Variants in GRIA4 observed in about 807,000 individuals in gnomAD.
GRIA4 encodes glutamate receptor 4.
GRIA4 carries 34 observed loss-of-function variants against 104.0 expected under a neutral mutation model. The observed-to-expected ratio is 0.33, with a 90% CI of 0.25 to 0.44. The LOEUF (loss-of-function observed/expected upper bound fraction) is 0.44, where lower values mean the gene tolerates loss of function less well. GRIA4 is among the 20% of genes least tolerant of loss of function. The pLI is 1.00. For synonymous variants in GRIA4, 386 were observed against 381.9 expected, an observed-to-expected ratio of 1.01 and a Z score of -0.13; for missense variants, 750 against 1,096.5, an observed-to-expected ratio of 0.68 and a Z score of 4.46.
chr11:105,714,161 G>C (rs1954009052), intron 3 of GRIA4, among the ~76,000 whole-genome samples: 2 of 151,748 alleles, frequency 1.3e-5, no homozygotes, highest in Admixed American at 1.3e-4. Flanking sequence ...TAATGGTTTT[G>C]CTTCTCAAAA....
At chr11:105,905,357 C>T in intron 9 of GRIA4, 56 bp downstream of exon 9, 1 of 960,528 alleles carries the variant, frequency 1.0e-6, no homozygotes, top group Non-Finnish European at 1.7e-6. Flanking sequence ...TTGTATGTAA[C>T]ATTTTAAAGG....
chr11:105,628,202 T>G (rs1565414149), intron 3 of GRIA4, among the ~76,000 whole-genome samples: 1 of 152,182 alleles, frequency 6.6e-6, no homozygotes, highest in Non-Finnish European at 1.5e-5. Flanking sequence ...AAAATAATGA[T>G]TTATGAACTT....
At chr11:105,784,050 C>T (rs976230690) in intron 4 of GRIA4, among the ~76,000 whole-genome samples, 10 of 152,142 alleles carry the variant, frequency 6.6e-5, no homozygotes, top group African/African-American at 2.2e-4. Context: ...ATTGCTGAAT[C>T]TCCTTGTAGC....
intron 4 of GRIA4, among the ~76,000 whole-genome samples, chr11:105,775,908 T>G (rs561999271): frequency 2.6e-5 from 4 of 151,912 alleles, no homozygotes; most frequent in Admixed American, 1.3e-4. Flanking sequence ...AAAACCTACA[T>G]TAAGAACTTC....
intron 3 of GRIA4, among the ~76,000 whole-genome samples, chr11:105,623,507 G>C (rs1236175623): frequency 6.6e-6 from 1 of 151,930 alleles, no homozygotes; most frequent in Non-Finnish European, 1.5e-5. Context: ...TGCATGAACT[G>C]ACTCTTGCCT....
At chr11:105,818,287 C>G (rs1056145197) in intron 4 of GRIA4, among the ~76,000 whole-genome samples, 1 of 152,042 alleles carries the variant, frequency 6.6e-6, no homozygotes, top group Non-Finnish European at 1.5e-5. Context: ...AAATGTCCCA[C>G]AGACTGTTGG....
intron 14 of GRIA4, among the ~76,000 whole-genome samples, chr11:105,945,767 C>T (rs1948291349): frequency 6.6e-6 from 1 of 152,214 alleles, no homozygotes; most frequent in South Asian, 2.1e-4. Flanking sequence ...AATATTAGTA[C>T]TAGTCTTCCA....
In GRIA4 at chr11:105,903,922, C is replaced by G; in HGVS notation, c.994C>G (p.Leu332Val). ...AAGGAGAGGAAATGCTGGGGATTGT[C>G]TGGCAAATCCTGCTGCTCCATGGGG... ...ISRRGNAGDC[L>V]ANPAAPWGQG... Residue 332 changes from leucine to valine, a missense_variant, in exon 8 of 17, where the codon CTG (leucine) becomes GTG (valine). Physicochemically the swap from Leu to Val is conservative, Grantham distance 32. Around this residue, in one of 3 missense-constraint regions of GRIA4, gnomAD observed 410 missense variants for 502.7 expected, o/e 0.82. Coordinates refer to ENST00000282499, the MANE Select transcript of GRIA4 (RefSeq NM_000829.4). 6.2e-7 allele frequency: 1 copy of G among 1,613,520 alleles called. No homozygotes were observed. The highest frequency in any genetic ancestry group is 8.5e-7 in the Non-Finnish European group (1 of 1,179,484).
Position 105,830,856 on chromosome 11 carries a change from T to C in GRIA4, c.488-31168T>C, listed in dbSNP as rs180861484. Among the ~76,000 whole-genome samples the C allele has an allele frequency of 1.6e-3, 240 of 152,134 alleles. 1 individual carries two copies. The highest frequency in any genetic ancestry group is 3.4e-3 in the Middle Eastern group (1 of 294). ...CCTTAACAGGTAGTTTTGCTGAATATTGCAGAGAATTATTTTGAAAACCAT... is the reference window on the plus strand; with the variant it reads ...CCTTAACAGGTAGTTTTGCTGAATACTGCAGAGAATTATTTTGAAAACCAT... On this transcript the variant is annotated intron_variant, in intron 4 of 16. Coordinates refer to ENST00000282499, the MANE Select transcript of GRIA4 (RefSeq NM_000829.4).
chr11:105,887,911 T>C (rs982669871), intron 6 of GRIA4, among the ~76,000 whole-genome samples: 85 of 152,328 alleles, frequency 5.6e-4, no homozygotes, highest in African/African-American at 1.9e-3. Flanking sequence ...ATAAGAATGA[T>C]CTAAACTAAT....
intron 14 of GRIA4, among the ~76,000 whole-genome samples, chr11:105,964,846 G>A (rs187796611): frequency 8.1e-4 from 119 of 147,580 alleles, no homozygotes; most frequent in Admixed American, 2.0e-3. Flanking sequence ...TGCTCTTGTC[G>A]CCCAGGCTGG....
chr11:105,794,453 C>CTG (rs1222922432), intron 4 of GRIA4, among the ~76,000 whole-genome samples: 2 of 40,778 alleles, frequency 4.9e-5, no homozygotes, highest in East Asian at 6.0e-4. Context: ...GTGTGTGTGT[C>CTG]TGTGTGTGTG....
At position 105,715,277 on chromosome 11, in the gene GRIA4, C is replaced by T. The variant is rs137930298; in HGVS notation, c.248-37704C>T. ...CTTGCTGAAGGCACGTTGTTGAGGA[C>T]ATTTTCTATTATATGACTACCTTCC... is the stretch of plus-strand genomic sequence containing the variant. On this transcript the variant is annotated intron_variant, in intron 3 of 16. Transcript: ENST00000282499. 4.6e-5 allele frequency among the ~76,000 whole-genome samples: 7 copies of T among 152,274 alleles called. No individual in the cohort carries two copies. The East Asian group carries it at 1.4e-3, about 29-fold the overall frequency.
rs143467832 is a variant in GRIA4 at position 105,885,844 on chromosome 11, T to G, written c.673-1675T>G. Among the ~76,000 whole-genome samples, 24 of 152,356 alleles carry G rather than the reference T, an allele frequency of 1.6e-4. No homozygotes were observed. The East Asian group carries it at 4.6e-3, about 29-fold the overall frequency. On this transcript the variant is annotated intron_variant, in intron 5 of 16. Coordinates refer to ENST00000282499, the MANE Select transcript of GRIA4 (RefSeq NM_000829.4). ...AGAAGCTGAGAACTTATCATAAAAG[T>G]GGCCTCAGGCCAGTGATACCAATAT...
rs769046503 is a variant in GRIA4, at chr11:105,610,970, G to A, written c.-28G>A. ...GAAGAGTGCGAGAGAAAGAGAGAGA[G>A]CGCGCGCCAGGGAGAGGAGAAAAGA... On this transcript the variant is annotated 5_prime_UTR_variant, in exon 2 of 17. Transcript: ENST00000282499. 5.5e-6 allele frequency: 8 copies of A among 1,453,210 alleles called. No homozygotes were observed. The highest frequency in any genetic ancestry group is 7.7e-6 in the Non-Finnish European group (8 of 1,035,316). The allele number at this position is 1,453,210 out of a possible 1,614,324, so 90.0% of individuals were successfully genotyped here.
intron 3 of GRIA4, among the ~76,000 whole-genome samples, chr11:105,695,506 G>GTGTGTGTGTGTGTC (rs1953245559): frequency 2.1e-5 from 1 of 48,422 alleles, no homozygotes; most frequent in African/African-American, 7.5e-5. Flanking sequence ...GTGTGTCTGT[G>GTGTGTGTGTGTGTC]TGTGTGTGCG....
At chr11:105,942,356 A>T (rs1320006565) in intron 14 of GRIA4, among the ~76,000 whole-genome samples, 5 of 152,138 alleles carry the variant, frequency 3.3e-5, no homozygotes. Flanking sequence ...GTCCACTTTT[A>T]AAAGATTATG....
chr11:105,618,300 T>C (rs1200472000), intron 3 of GRIA4, among the ~76,000 whole-genome samples: 2 of 151,866 alleles, frequency 1.3e-5, no homozygotes, highest in African/African-American at 4.8e-5. Flanking sequence ...ACAGGCTAGG[T>C]TGCAAAAGGG....
intron 14 of GRIA4, among the ~76,000 whole-genome samples, chr11:105,955,293 C>T (rs934268482): frequency 6.6e-6 from 1 of 152,002 alleles, no homozygotes; most frequent in African/African-American, 2.4e-5. Flanking sequence ...TCCAACAGGC[C>T]CTGGTGTGTG....
Sources: gnomAD v4.1 joint callset for allele counts (sites outside exome capture counted in the v4.1 genomes callset) on GRCh38, gnomAD v4.1.1 for gene constraint, gnomAD v4.1.1 regional missense constraint, MANE v1.5 for transcripts, NCBI Gene and HGNC (gene_info 2026-07-23, HGNC 2026-07-21) for gene names.